PCDHA5: variants seen among roughly 807,000 people sequenced by gnomAD.
PCDHA5 encodes protocadherin alpha 5, also known as protocadherin alpha-5.
In PCDHA5, 43 loss-of-function variants were observed where a neutral mutation model predicts 61.6. That is an observed-to-expected ratio of 0.70 (90% CI 0.55 to 0.90). The LOEUF is 0.90. Among genes scored for constraint, PCDHA5 ranks in the 40% least tolerant of loss-of-function variants. The pLI is 0.00. For synonymous variants in PCDHA5, 627 were observed against 543.9 expected, an observed-to-expected ratio of 1.15 and a Z score of -2.13; for missense variants, 1,298 against 1,222.7, an observed-to-expected ratio of 1.06 and a Z score of -0.92.
At chr5:140,927,366 A>C in intron 1 of PCDHA5, 1 of 1,614,088 alleles carries the variant, frequency 6.2e-7, no homozygotes, top group Non-Finnish European at 8.5e-7. Context: ...GCAATGGGAT[A>C]CTAAGCTACA....
intron 1 of PCDHA5, chr5:140,842,520 C>T (rs2150337946): frequency 6.2e-7 from 1 of 1,613,528 alleles, no homozygotes; most frequent in East Asian, 2.2e-5. Context: ...CTGGTGTCCA[C>T]CTTCAAGAAT....
intron 1 of PCDHA5, 40 bp from the exon 2 acceptor site, chr5:140,978,909 C>T: frequency 6.2e-7 from 1 of 1,613,660 alleles, no homozygotes; most frequent in South Asian, 1.1e-5. Context: ...AGAACATTGT[C>T]TTGTCATTTT....
intron 1 of PCDHA5, chr5:140,929,284 A>G: frequency 6.2e-7 from 1 of 1,600,764 alleles, no homozygotes; most frequent in Non-Finnish European, 8.5e-7. Flanking sequence ...CTGTATTCAG[A>G]TTCGGAATAG....
At chr5:140,849,922 CG>C (rs1376450485) in intron 1 of PCDHA5, 3 of 1,598,214 alleles carry the variant, frequency 1.9e-6, no homozygotes, top group Non-Finnish European at 2.6e-6. Context: ...CACATCTTCA[CG>C]GTGTCTGCGC....
At chr5:140,871,305 G>C (rs782666863) in intron 1 of PCDHA5, 2 of 1,613,874 alleles carry the variant, frequency 1.2e-6, no homozygotes, top group East Asian at 4.5e-5. Context: ...GCGCGCCGGG[G>C]AAGCCCACGC....
intron 1 of PCDHA5, among the ~76,000 whole-genome samples, chr5:140,890,243 A>G (rs782339518): frequency 6.6e-6 from 1 of 152,130 alleles, no homozygotes; most frequent in Non-Finnish European, 1.5e-5. Context: ...ATTTACCAGT[A>G]CACTACTGCA....
At chr5:140,887,661 T>A (rs1322494406) in intron 1 of PCDHA5, among the ~76,000 whole-genome samples, 1 of 152,170 alleles carries the variant, frequency 6.6e-6, no homozygotes, top group African/African-American at 2.4e-5. Context: ...CTTGGATCTG[T>A]GGATTTATCA....
intron 1 of PCDHA5, chr5:140,969,495 C>G: frequency 7.0e-7 from 1 of 1,437,888 alleles, no homozygotes; most frequent in Non-Finnish European, 9.2e-7. Context: ...TATTTCCTCT[C>G]TAGAAAAATA....
rs782769711 is a variant in PCDHA5, at chr5:140,857,323, C to T, written c.2352+33196C>T. ...TGTCGGCCTATGAGCTGGTGGTGAC[C>T]GCGCGGGACGGGGGCTCGCCTCCGC... On this transcript the variant is annotated intron_variant, in intron 1 of 3. Coordinates refer to ENST00000529859, the MANE Select transcript of PCDHA5 (RefSeq NM_018908.3). The T allele has an allele frequency of 2.5e-6, 4 of 1,598,498 alleles. 1 individual carries two copies. Among genetic ancestry groups the T allele is most frequent in the Admixed American group, 1.7e-5 (1 of 59,312 alleles).
intron 1 of PCDHA5, among the ~76,000 whole-genome samples, chr5:140,926,146 G>T (rs553563976): frequency 6.6e-5 from 10 of 152,056 alleles, no homozygotes; most frequent in Non-Finnish European, 1.3e-4. Context: ...GATCCAGCGC[G>T]GAAAGCTCTG....
At chr5:140,836,213 G>T in intron 1 of PCDHA5, 4 of 1,613,848 alleles carry the variant, frequency 2.5e-6, no homozygotes, top group Non-Finnish European at 2.5e-6. Flanking sequence ...TTTCGTATGA[G>T]TTGCAACCGG....
intron 1 of PCDHA5, chr5:140,926,774 A>G: frequency 7.2e-7 from 1 of 1,380,760 alleles, no homozygotes; most frequent in Non-Finnish European, 9.4e-7. Flanking sequence ...AGCCCGCAGC[A>G]GTGACGGCCG....
Position 140,966,822 on chromosome 5 carries a change from C to A in PCDHA5, c.2353-12127C>A, listed in dbSNP as rs1329460642. 9 of 1,558,948 alleles carry A rather than the reference C, an allele frequency of 5.8e-6. No individual in the cohort carries two copies. In the Admixed American group the frequency reaches 7.5e-5, roughly 13 times the overall value. On this transcript the variant is annotated intron_variant, in intron 1 of 3. Transcript: ENST00000529859. ...ACAGAGCATCCACGGCTCCGGCGGC[C>A]CATGCCCTGGCTGCTGCTACTGCCT... is the stretch of plus-strand genomic sequence containing the variant.
intron 1 of PCDHA5, among the ~76,000 whole-genome samples, chr5:140,961,237 G>A (rs1170465013): frequency 1.3e-5 from 2 of 152,136 alleles, no homozygotes; most frequent in African/African-American, 4.8e-5. Context: ...AAAAGGTGAT[G>A]GAATTTATCC....
chr5:140,905,957 G>A (rs993962295), intron 1 of PCDHA5, among the ~76,000 whole-genome samples: 1 of 152,200 alleles, frequency 6.6e-6, no homozygotes, highest in South Asian at 2.1e-4. Context: ...CGATGTTCAA[G>A]GGGAGGAAGA....
Position 140,882,982 on chromosome 5 carries a change from C to T in PCDHA5, c.2352+58855C>T, listed in dbSNP as rs139888237. 2.9e-5 allele frequency: 47 copies of T among 1,614,148 alleles called. No individual in the cohort carries two copies. The East Asian group carries it at 3.6e-4, about 12-fold the overall frequency. On this transcript the variant is annotated intron_variant, in intron 1 of 3. Coordinates refer to ENST00000529859, the MANE Select transcript of PCDHA5 (RefSeq NM_018908.3). The stretch of plus-strand genomic sequence containing the variant: ...TCACGATTCTGGACGTGAATGACAA[C>T]GCCCCGGAATTTTACCAATCCGTTT...
At chr5:140,854,572 C>T (rs2043163133) in intron 1 of PCDHA5, 2 of 149,770 alleles carry the variant, frequency 1.3e-5, no homozygotes, top group South Asian at 4.2e-4. Context: ...CTCTGTCATT[C>T]AGATTTTAAT....
intron 1 of PCDHA5, among the ~76,000 whole-genome samples, chr5:140,885,639 A>C (rs782628776): frequency 6.6e-6 from 1 of 152,184 alleles, no homozygotes; most frequent in Non-Finnish European, 1.5e-5. Flanking sequence ...TTGCCTTCCA[A>C]GTATTTTGGA....
chr5:140,841,865 G>A, intron 1 of PCDHA5: 1 of 1,613,856 alleles, frequency 6.2e-7, no homozygotes, highest in Non-Finnish European at 8.5e-7. Context: ...CATGCTAGAT[G>A]TGAATTCAAA....
Sources: gnomAD v4.1 joint callset for allele counts (sites outside exome capture counted in the v4.1 genomes callset) on GRCh38, gnomAD v4.1.1 for gene constraint, MANE v1.5 for transcripts, NCBI Gene and HGNC (gene_info 2026-07-23, HGNC 2026-07-21) for gene names.